Variants in ULK4 observed in about 807,000 individuals in gnomAD.
ULK4 encodes unc-51 like kinase 4, also known as inactive serine/threonine-protein kinase ULK4.
ULK4 carries 133 observed loss-of-function variants against 160.6 expected under a neutral mutation model. The ratio of observed to expected loss-of-function variants is 0.83; its 90% CI spans 0.72 to 0.96. The LOEUF (loss-of-function observed/expected upper bound fraction) is 0.96, where lower values mean the gene tolerates loss of function less well. Among genes scored for constraint, ULK4 ranks in the 40% least tolerant of loss-of-function variants. ULK4 has a pLI of 0.00. For synonymous variants in ULK4, 534 were observed against 539.8 expected, an observed-to-expected ratio of 0.99 and a Z score of 0.15; for missense variants, 1,580 against 1,499.5, an observed-to-expected ratio of 1.05 and a Z score of -0.89.
chr3:41,876,659 C>T (rs1697314413), intron 17 of ULK4, among the ~76,000 whole-genome samples: 1 of 152,150 alleles, frequency 6.6e-6, no homozygotes, highest in South Asian at 2.1e-4. Flanking sequence ...TGCCCATCAC[C>T]AGTGATGTAG....
At chr3:41,514,982 T>C (rs1244037835) in intron 32 of ULK4, among the ~76,000 whole-genome samples, 1 of 152,140 alleles carries the variant, frequency 6.6e-6, no homozygotes, top group Admixed American at 6.5e-5. Flanking sequence ...TGGCTGTGCA[T>C]GGTGGCTCAC....
chr3:41,937,774 T>C (rs1397298454), intron 3 of ULK4: 1 of 203,168 alleles, frequency 4.9e-6, no homozygotes, highest in Admixed American at 5.7e-5. Flanking sequence ...TTTATAAATT[T>C]ATTAGCTAAT....
intron 35 of ULK4, among the ~76,000 whole-genome samples, chr3:41,271,393 CTTTTT>C (rs35652378): frequency 7.2e-6 from 1 of 138,688 alleles, no homozygotes. Context: ...ATCAATAGTT[CTTTTT>C]TTTTTTTTTT....
chr3:41,812,455 CAA>C (rs34831277), intron 19 of ULK4, among the ~76,000 whole-genome samples: 2 of 148,842 alleles, frequency 1.3e-5, no homozygotes, highest in Non-Finnish European at 3.0e-5. Flanking sequence ...TATAACTGTT[CAA>C]AAAAAAAGAG....
At chr3:41,527,691 T>C (rs887869281) in intron 32 of ULK4, among the ~76,000 whole-genome samples, 11 of 152,232 alleles carry the variant, frequency 7.2e-5, no homozygotes, top group South Asian at 2.1e-4. Flanking sequence ...TACTATTTCA[T>C]TGTATCCTCA....
At chr3:41,896,421 A>AT (rs1292168341) in intron 15 of ULK4, among the ~76,000 whole-genome samples, 1 of 151,972 alleles carries the variant, frequency 6.6e-6, no homozygotes, top group Non-Finnish European at 1.5e-5. Flanking sequence ...CACCCAGCTA[A>AT]TTTTGTACTT....
chr3:41,552,351 T>A (rs2087103131), intron 32 of ULK4, among the ~76,000 whole-genome samples: 2 of 152,094 alleles, frequency 1.3e-5, no homozygotes, highest in South Asian at 4.1e-4. Flanking sequence ...TAATCTTATA[T>A]CTAAAAATAA....
At chr3:41,879,919 T>C (rs1178512124) in intron 17 of ULK4, among the ~76,000 whole-genome samples, 1 of 152,112 alleles carries the variant, frequency 6.6e-6, no homozygotes, top group Non-Finnish European at 1.5e-5. Flanking sequence ...GAGTTCGTGA[T>C]CAGCCTGGCC....
intron 18 of ULK4, among the ~76,000 whole-genome samples, chr3:41,832,005 A>C (rs545472596): frequency 6.6e-6 from 1 of 152,252 alleles, no homozygotes; most frequent in African/African-American, 2.4e-5. Context: ...TGCTGCAATA[A>C]ACATACATGT....
chr3:41,863,909 G>A (rs1359806604), intron 17 of ULK4, among the ~76,000 whole-genome samples: 2 of 151,826 alleles, frequency 1.3e-5, no homozygotes, highest in African/African-American at 4.8e-5. Context: ...GCAGCCTGGG[G>A]TTGGGGGAGG....
chr3:41,730,763 C>T (rs558799786), intron 22 of ULK4, among the ~76,000 whole-genome samples: 3 of 152,270 alleles, frequency 2.0e-5, no homozygotes, highest in East Asian at 3.9e-4. Flanking sequence ...ACTCATTCTA[C>T]GGTATCACTT....
Position 41,897,405 on chromosome 3 carries a change from T to A in ULK4, c.1349-402A>T, listed in dbSNP as rs183368781. Among the ~76,000 whole-genome samples the A allele has an allele frequency of 2.6e-5, 4 of 152,146 alleles. No individual in the cohort carries two copies. The East Asian group carries it at 7.7e-4, about 29-fold the overall frequency. ...AGTTCTTAAAAAGTTCCAATAAAAT[T>A]ATTGTAAAAAAAATAACGAGAATAA... On this transcript the variant is annotated intron_variant, in intron 14 of 36. Transcript: ENST00000301831.
intron 19 of ULK4, among the ~76,000 whole-genome samples, chr3:41,812,969 T>C (rs188317562): frequency 3.9e-5 from 6 of 152,326 alleles, no homozygotes; most frequent in African/African-American, 9.6e-5. Flanking sequence ...CCCTAGAGAA[T>C]TTCCACATGT....
At chr3:41,516,726 T>C (rs1313754648) in intron 32 of ULK4, among the ~76,000 whole-genome samples, 5 of 151,262 alleles carry the variant, frequency 3.3e-5, no homozygotes, top group African/African-American at 1.2e-4. Context: ...GTTGAGATGG[T>C]TAATGAGTAC....
At chr3:41,845,263 C>T (rs986290352) in intron 17 of ULK4, among the ~76,000 whole-genome samples, 6 of 152,088 alleles carry the variant, frequency 3.9e-5, no homozygotes, top group South Asian at 2.1e-4. Context: ...CGCAGCCGGC[C>T]GACCCAGATA....
chr3:41,296,656 C>T (rs1439126753), intron 35 of ULK4, among the ~76,000 whole-genome samples: 1 of 152,028 alleles, frequency 6.6e-6, no homozygotes, highest in Non-Finnish European at 1.5e-5. Context: ...GGCAGCCACA[C>T]CAGGGGAAGA....
intron 31 of ULK4, among the ~76,000 whole-genome samples, chr3:41,589,119 T>A (rs1453228533): frequency 6.7e-6 from 1 of 149,556 alleles, no homozygotes; most frequent in African/African-American, 2.4e-5. Context: ...AGACAAATAT[T>A]AAAAAAAAAA....
intron 35 of ULK4, among the ~76,000 whole-genome samples, chr3:41,332,231 C>T (rs1395498522): frequency 1.3e-5 from 2 of 151,652 alleles, no homozygotes; most frequent in African/African-American, 4.8e-5. Context: ...AAAAACAAAC[C>T]AAGAAACCTA....
chr3:41,539,681 A>G (rs1181313204), intron 32 of ULK4, among the ~76,000 whole-genome samples: 1 of 152,152 alleles, frequency 6.6e-6, no homozygotes, highest in Non-Finnish European at 1.5e-5. Context: ...AAATCCACCT[A>G]TAGTATTTCA....
Sources: allele counts gnomAD v4.1 joint callset (sites outside exome capture counted in the v4.1 genomes callset), GRCh38; gene constraint gnomAD v4.1.1; transcripts MANE v1.5; gene names NCBI Gene and HGNC (gene_info 2026-07-23, HGNC 2026-07-21).